ZNF469: variants seen among roughly 807,000 people sequenced by gnomAD.
ZNF469 encodes the protein zinc finger protein 469.
ZNF469 carries 1 observed loss-of-function variant against 1.0 expected under a neutral mutation model. That is an observed-to-expected ratio of 1.00 (90% confidence interval 0.35 to 4.73). The LOEUF is 4.73. Among genes scored for constraint, ZNF469 ranks in the 30% most tolerant of loss-of-function variants. The pLI is 0.16. For missense variants in ZNF469, 6,100 were observed against 5,356.3 expected (o/e 1.14, Z -4.33); for synonymous variants, 2,703 against 2,363.4 (o/e 1.14, Z -4.17).
chr16:88,408,072 T>C (rs1905063630), intron 1 of ZNF469, among the ~76,000 whole-genome samples: 2 of 152,238 alleles, frequency 1.3e-5, no homozygotes, highest in Non-Finnish European at 2.9e-5. Flanking sequence ...TCCTGTAAGC[T>C]TTTTGGTTTG....
the ZNF469 span, among the ~76,000 whole-genome samples, chr16:88,186,656 G>A: frequency 2.9e-4 from 44 of 152,310 alleles, 2 homozygotes; most frequent in South Asian, 7.1e-3. Context: ...TCCCCCGGCA[G>A]AGGATCGTGC....
the ZNF469 span, among the ~76,000 whole-genome samples, chr16:88,101,477 C>T: frequency 4.6e-5 from 7 of 151,568 alleles, no homozygotes; most frequent in South Asian, 4.2e-4. Flanking sequence ...TCTCAGCGCC[C>T]GGGTTGGGAT....
chr16:88,102,815 C>T, the ZNF469 span, among the ~76,000 whole-genome samples: 444 of 152,342 alleles, frequency 2.9e-3, 4 homozygotes, highest in South Asian at 0.029. Context: ...CCCTGATCGC[C>T]GCCTCCCCGC....
the ZNF469 span, among the ~76,000 whole-genome samples, chr16:88,340,466 A>C: frequency 6.6e-6 from 1 of 152,170 alleles, no homozygotes; most frequent in Non-Finnish European, 1.5e-5. Context: ...GGCCAGGTAT[A>C]ATGAACCAGG....
the ZNF469 span, among the ~76,000 whole-genome samples, chr16:88,244,008 G>C: frequency 7.1e-6 from 1 of 140,584 alleles, no homozygotes; most frequent in African/African-American, 2.7e-5. Flanking sequence ...ATGGATGGAT[G>C]TACGTATGGG....
At chr16:88,299,198 G>A in the ZNF469 span, among the ~76,000 whole-genome samples, 1 of 150,080 alleles carries the variant, frequency 6.7e-6, no homozygotes, top group South Asian at 2.2e-4. Flanking sequence ...GCTTCCTGGA[G>A]GAGGCAGCTT....
chr16:88,188,333 G>A, the ZNF469 span, among the ~76,000 whole-genome samples: 9 of 152,108 alleles, frequency 5.9e-5, no homozygotes, highest in African/African-American at 2.2e-4. Flanking sequence ...ACATCTTGGG[G>A]GACCATCTGC....
chr16:88,166,800 C>CACACACACACACACAA, the ZNF469 span, among the ~76,000 whole-genome samples: 3 of 151,574 alleles, frequency 2.0e-5, no homozygotes, highest in African/African-American at 7.3e-5. The surrounding 1 kb of genome is among the most constrained non-coding windows in gnomAD (Gnocchi z 4.5). Flanking sequence ...CACACACACA[C>CACACACACACACACAA]AAATACATAT....
the ZNF469 span, among the ~76,000 whole-genome samples, chr16:88,114,733 A>C: frequency 2.6e-5 from 4 of 152,282 alleles, no homozygotes; most frequent in East Asian, 7.7e-4. Flanking sequence ...GTGTGCGGTG[A>C]GTCGGCTTGC....
the ZNF469 span, among the ~76,000 whole-genome samples, chr16:88,205,992 A>T: frequency 2.0e-5 from 3 of 151,982 alleles, no homozygotes; most frequent in Admixed American, 6.5e-5. This position sits in a 1 kb window ranked among gnomAD's most constrained non-coding sequence, Gnocchi z 4.2. Flanking sequence ...CTGAAGAAGG[A>T]CCCTGAGCCC....
In ZNF469 at chr16:88,436,884, G is replaced by A. The variant is rs1408912595; in HGVS notation, c.9414G>A (p.Thr3138=). 6 of 1,506,316 alleles carry A rather than the reference G, an allele frequency of 4.0e-6. No individual in the cohort carries two copies. The highest frequency in any genetic ancestry group is 5.3e-6 in the Non-Finnish European group (6 of 1,129,994). 93.3% of individuals were successfully genotyped at this position (1,506,316 alleles called of 1,614,324 possible). The change falls in exon 3 of 3, where the codon ACG becomes ACA. Residue 3138 remains threonine, a synonymous_variant. Transcript: ENST00000565624. ...TGGACCTGCACAAGCTGGCCCACAC[G>A]CCCGCGCCGCCGCCCACCTGCTACA... ...GELDLHKLAH[T]PAPPPTCYMC...
the ZNF469 span, among the ~76,000 whole-genome samples, chr16:88,243,921 T>C: frequency 1.8e-4 from 14 of 79,860 alleles, no homozygotes; most frequent in African/African-American, 3.2e-4. Context: ...CATATATATA[T>C]ATATATATAT....
intron 1 of ZNF469, among the ~76,000 whole-genome samples, chr16:88,410,178 C>G (rs8054714): frequency 0.77 from 115,631 of 150,860 alleles, 45,249 homozygotes; most frequent in South Asian, 0.89. Context: ...TCACACAGTT[C>G]ACGGTGACGG....
chr16:88,144,522 T>C, the ZNF469 span, among the ~76,000 whole-genome samples: 1 of 152,210 alleles, frequency 6.6e-6, no homozygotes, highest in Non-Finnish European at 1.5e-5. Context: ...TTTTTCTTGC[T>C]CTTTGAGGCA....
At chr16:88,262,824 C>T in the ZNF469 span, among the ~76,000 whole-genome samples, 1 of 151,948 alleles carries the variant, frequency 6.6e-6, no homozygotes. This position sits in a 1 kb window ranked among gnomAD's most constrained non-coding sequence, Gnocchi z 4.3. Context: ...TGGAAATTCC[C>T]AGTGGTTTAT....
At chr16:88,422,066 AGGGTGGAC>A (rs1905477197) in intron 1 of ZNF469, among the ~76,000 whole-genome samples, 1 of 141,808 alleles carries the variant, frequency 7.1e-6, no homozygotes, top group Admixed American at 6.9e-5. Context: ...AATGGGTAGA[AGGGTGGAC>A]GGGTGGCTGA....
chr16:88,438,177 C>T lies in ZNF469; in HGVS notation c.10707C>T (p.Cys3569=), dbSNP rs760186083. ...PAALADGRGD[C]ALDGALERPE... ...CCTTGGCTGATGGCAGAGGAGACTG[C>T]GCGCTGGACGGAGCCCTGGAGAGGC... Residue 3569 remains cysteine (C), a synonymous_variant, in exon 3 of 3, where the codon TGC becomes TGT. Coordinates refer to ENST00000565624, the MANE Select transcript of ZNF469 (RefSeq NM_001367624.2). 1.8e-5 allele frequency: 28 copies of T among 1,549,072 alleles called. No homozygotes were observed. The highest frequency in any genetic ancestry group is 1.7e-4 in the Middle Eastern group (1 of 5,990).
chr16:88,197,908 G>A, the ZNF469 span, among the ~76,000 whole-genome samples: 7 of 152,242 alleles, frequency 4.6e-5, no homozygotes, highest in Admixed American at 2.0e-4. Context: ...GCAGGCCTGC[G>A]TGTCTTTTGA....
At position 88,437,726 on chromosome 16, in the gene ZNF469, C is replaced by T. The variant is rs1160063634; in HGVS notation, c.10256C>T (p.Ala3419Val). The stretch of plus-strand genomic sequence containing the variant: ...ATGCGCATCATCAAGAAGTCCTTCG[C>T]CTGCAGCTCCTGCAACTACACCTTC... The part of the protein sequence containing the change: ...TVMRIIKKSF[A>V]CSSCNYTFAK... The change falls in exon 3 of 3, where the codon GCC becomes GTC. Residue 3419 changes from alanine (A) to valine (V), a missense_variant. Ala to Val is a moderately conservative substitution (Grantham distance 64, BLOSUM62 0). Transcript: ENST00000565624. The T allele has an allele frequency of 3.9e-6, 6 of 1,549,734 alleles. No homozygotes were observed. The African/African-American group carries it at 6.8e-5, about 18-fold the overall frequency.
Sources: allele counts gnomAD v4.1 joint callset (sites outside exome capture counted in the v4.1 genomes callset), GRCh38; gene constraint gnomAD v4.1.1; non-coding constraint Gnocchi (gnomAD v3.1); transcripts MANE v1.5; gene names NCBI Gene and HGNC (gene_info 2026-07-23, HGNC 2026-07-21).